The following NELL1 variants were observed in gnomAD, a reference collection of about 807,000 sequenced individuals.
The protein encoded by NELL1 is protein kinase C-binding protein NELL1.
NELL1 carries 76 observed loss-of-function variants against 107.4 expected under a neutral mutation model. The observed-to-expected ratio is 0.71, with a 90% CI of 0.59 to 0.86. The LOEUF (loss-of-function observed/expected upper bound fraction) is 0.86, where lower values mean the gene tolerates loss of function less well. NELL1 is among the 40% of genes least tolerant of loss of function. The probability of loss-of-function intolerance (pLI) is 0.00; values close to 1 mark genes in which losing one functional copy is unlikely to be tolerated. For synonymous variants in NELL1, 353 were observed against 341.2 expected (o/e 1.03, Z -0.38); for missense variants, 1,024 against 1,005.5 (o/e 1.02, Z -0.25).
At chr11:21,120,683 A>G (rs1855347159) in intron 13 of NELL1, among the ~76,000 whole-genome samples, 2 of 152,192 alleles carry the variant, frequency 1.3e-5, no homozygotes, top group African/African-American at 4.8e-5. Context: ...AATATGCTCT[A>G]TGAAATGCTT....
At chr11:20,865,584 C>T (rs563027278) in intron 4 of NELL1, among the ~76,000 whole-genome samples, 206 of 152,092 alleles carry the variant, frequency 1.4e-3, no homozygotes, top group African/African-American at 4.8e-3. Context: ...TTAGGAAGAA[C>T]AGGCAGGGGA....
intron 14 of NELL1, among the ~76,000 whole-genome samples, chr11:21,313,937 GAT>G (rs1485111189): frequency 6.8e-6 from 1 of 147,332 alleles, no homozygotes; most frequent in African/African-American, 2.5e-5. Context: ...CTGTTCTTGT[GAT>G]AGTAAGTTCT....
At position 21,299,511 on chromosome 11, in the gene NELL1, A is replaced by ATGTGTG. The variant is rs71063696; in HGVS notation, c.1549+70105_1549+70110dup. Among the ~76,000 whole-genome samples, 800 of 136,438 alleles carry ATGTGTG rather than the reference A, an allele frequency of 5.9e-3. 2 individuals carry two copies. Among genetic ancestry groups the ATGTGTG allele is most frequent in the Middle Eastern group, 0.022 (6 of 274 alleles). The allele number at this position is 136,438 out of a possible 152,430, so 89.5% of individuals were successfully genotyped here. On this transcript the variant is annotated intron_variant, in intron 14 of 19. Transcript: ENST00000357134. ...AAATTTCAACATTTTATTGTCTTAT[A>ATGTGTG]TGTGTGTGTGTGTGTGTGTGTGTGT...
intron 5 of NELL1, among the ~76,000 whole-genome samples, chr11:20,908,568 AG>A (rs1850056701): frequency 6.6e-6 from 1 of 152,066 alleles, no homozygotes; most frequent in South Asian, 2.1e-4. Context: ...GATGGGGGAA[AG>A]GGGAGGGAAT....
intron 15 of NELL1, among the ~76,000 whole-genome samples, chr11:21,498,360 T>TAC (rs1454221304): frequency 6.8e-6 from 1 of 147,760 alleles, no homozygotes; most frequent in Non-Finnish European, 1.5e-5. Context: ...TATATATATA[T>TAC]ATACAGACAC....
At chr11:20,943,542 C>G (rs1850901278) in intron 10 of NELL1, among the ~76,000 whole-genome samples, 1 of 151,906 alleles carries the variant, frequency 6.6e-6, no homozygotes, top group East Asian at 1.9e-4. Flanking sequence ...GAGATTGCGC[C>G]ACTGCACTCC....
intron 12 of NELL1, among the ~76,000 whole-genome samples, chr11:20,962,475 A>C (rs1231389350): frequency 6.6e-6 from 1 of 152,138 alleles, no homozygotes; most frequent in Admixed American, 6.5e-5. Flanking sequence ...CAGACCTTTT[A>C]GTTGTTTGTT....
At chr11:20,952,484 G>A (rs762575854) in intron 11 of NELL1, among the ~76,000 whole-genome samples, 17 of 152,108 alleles carry the variant, frequency 1.1e-4, no homozygotes, top group Non-Finnish European at 4.4e-5. Context: ...AATGGTTTTA[G>A]AGAAAGGATT....
intron 14 of NELL1, among the ~76,000 whole-genome samples, chr11:21,273,049 C>T (rs543297185): frequency 9.9e-4 from 151 of 152,272 alleles, no homozygotes; most frequent in Middle Eastern, 6.8e-3. Context: ...CAAAGCTGGA[C>T]GGAGAATGAC....
At chr11:20,737,658 G>T (rs1855793339) in intron 2 of NELL1, among the ~76,000 whole-genome samples, 1 of 151,938 alleles carries the variant, frequency 6.6e-6, no homozygotes, top group Non-Finnish European at 1.5e-5. Context: ...GTCAGCCATA[G>T]TTAGCATTAT....
chr11:20,743,284 T>A (rs1333597148), intron 2 of NELL1, among the ~76,000 whole-genome samples: 2 of 151,462 alleles, frequency 1.3e-5, no homozygotes, highest in African/African-American at 4.9e-5. Flanking sequence ...ACCCGGGGGG[T>A]GGTGGCTGCA....
intron 14 of NELL1, among the ~76,000 whole-genome samples, chr11:21,301,163 G>A (rs1180351338): frequency 6.6e-6 from 1 of 152,100 alleles, no homozygotes; most frequent in Non-Finnish European, 1.5e-5. Flanking sequence ...ATTTGAGTTG[G>A]TTCCAAGTCT....
chr11:20,669,572 T>C (rs8176794), upstream of NELL1: 897 of 463,454 alleles, frequency 1.9e-3, no homozygotes, highest in Middle Eastern at 2.8e-3. This position sits in a 1 kb window ranked among gnomAD's most constrained non-coding sequence, Gnocchi z 4.4. Flanking sequence ...CCCGGGCGCA[T>C]ATGCGAGCGC....
intron 2 of NELL1, among the ~76,000 whole-genome samples, chr11:20,689,118 T>C (rs958395004): frequency 7.2e-5 from 11 of 152,068 alleles, no homozygotes; most frequent in African/African-American, 2.2e-4. Context: ...CTTTTTAATA[T>C]TGTTATTTGG....
At chr11:21,506,047 T>C (rs1362538692) in intron 15 of NELL1, among the ~76,000 whole-genome samples, 1 of 152,222 alleles carries the variant, frequency 6.6e-6, no homozygotes, top group East Asian at 1.9e-4. Flanking sequence ...TAAAACAGGC[T>C]GAAAACTGAT....
chr11:21,141,371 T>A (rs969268853), intron 13 of NELL1, among the ~76,000 whole-genome samples: 6 of 152,220 alleles, frequency 3.9e-5, no homozygotes, highest in African/African-American at 1.4e-4. Flanking sequence ...GCTGGAAGAT[T>A]TCTTTGGCAA....
chr11:21,089,515 A>C (rs1340736441), intron 12 of NELL1, among the ~76,000 whole-genome samples: 1 of 152,202 alleles, frequency 6.6e-6, no homozygotes, highest in Non-Finnish European at 1.5e-5. Context: ...AGTAGGATGC[A>C]TATTTGTACG....
intron 12 of NELL1, among the ~76,000 whole-genome samples, chr11:20,998,914 A>G (rs1011176150): frequency 3.3e-5 from 5 of 152,186 alleles, no homozygotes; most frequent in Non-Finnish European, 7.3e-5. Context: ...TCTTAAAATG[A>G]AATATACATT....
intron 2 of NELL1, among the ~76,000 whole-genome samples, chr11:20,731,561 G>A (rs12362793): frequency 1.3e-5 from 2 of 152,180 alleles, no homozygotes; most frequent in African/African-American, 4.8e-5. Context: ...GTGTCTGCAT[G>A]GGCATGAGTG....
Sources: gnomAD v4.1 joint callset for allele counts (sites outside exome capture counted in the v4.1 genomes callset) on GRCh38, gnomAD v4.1.1 for gene constraint, Gnocchi (gnomAD v3.1) non-coding constraint, MANE v1.5 for transcripts, NCBI Gene and HGNC (gene_info 2026-07-23, HGNC 2026-07-21) for gene names.